The following NGEF variants were observed in gnomAD, a reference collection of about 807,000 sequenced individuals.
The protein encoded by NGEF is ephexin-1.
A neutral mutation model predicts 80.9 loss-of-function variants in NGEF; 31 were observed. The ratio of observed to expected loss-of-function variants is 0.38; its 90% CI spans 0.29 to 0.52. The LOEUF (loss-of-function observed/expected upper bound fraction) is 0.52. NGEF is among the 20% of genes least tolerant of loss of function. The probability of loss-of-function intolerance (pLI) is 0.84; values close to 1 mark genes in which losing one functional copy is unlikely to be tolerated. For synonymous variants in NGEF, 371 were observed against 370.2 expected (o/e 1.00, Z -0.03); for missense variants, 709 against 926.2 (o/e 0.77, Z 3.04).
At chr2:232,983,674 T>C (rs13017508) in intron 1 of NGEF, among the ~76,000 whole-genome samples, 53,311 of 151,928 alleles carry the variant, frequency 0.35, 9,729 homozygotes, top group East Asian at 0.61. Context: ...GGGAGAGAAG[T>C]TGGACTTGGA....
In NGEF at chr2:232,894,804, G is replaced by C; in HGVS notation, c.941C>G (p.Ala314Gly). Residue 314 changes from alanine (A) to glycine (G), a missense_variant, in exon 6 of 15, where the codon GCG (alanine) becomes GGG (glycine). Ala to Gly is a moderately conservative substitution (Grantham distance 60, BLOSUM62 0). This residue lies in a region of NGEF where 426 missense variants were observed against 622.9 expected (regional missense o/e 0.68). Coordinates refer to ENST00000264051, the MANE Select transcript of NGEF (RefSeq NM_019850.3). ...RIRKILHPSE[A>G]HILFSNVLDV... ...CAGGACGTTGGAGAAGAGGATGTGC[G>C]CCTCGGACGGGTGCAGGATCTTCCT... The C allele has an allele frequency of 1.9e-6, 3 of 1,610,976 alleles. No homozygotes were observed. The highest frequency in any genetic ancestry group is 2.5e-6 in the Non-Finnish European group (3 of 1,178,426).
At chr2:232,952,666 C>A (rs1054046382) in intron 3 of NGEF, among the ~76,000 whole-genome samples, 2 of 152,068 alleles carry the variant, frequency 1.3e-5, no homozygotes, top group South Asian at 4.1e-4. Flanking sequence ...GAATAATCTA[C>A]CTTTGAAAAG....
intron 8 of NGEF, among the ~76,000 whole-genome samples, chr2:232,890,608 G>A (rs1691850864): frequency 6.6e-6 from 1 of 151,984 alleles, no homozygotes; most frequent in East Asian, 1.9e-4. Context: ...AGCAACGGCT[G>A]CACACCCCCA....
chr2:232,929,393 G>A (rs903029992), intron 3 of NGEF, among the ~76,000 whole-genome samples: 34 of 152,186 alleles, frequency 2.2e-4, no homozygotes, highest in African/African-American at 7.2e-4. Context: ...TTGCCTGGAA[G>A]GGAGCTCTCC....
intron 6 of NGEF, 143 bp downstream of exon 6, chr2:232,894,609 CTTCA>C: frequency 2.2e-6 from 2 of 893,392 alleles, no homozygotes; most frequent in Non-Finnish European, 3.1e-6. Context: ...GGATTTAGTT[CTTCA>C]TTTATTTATA....
rs147282699 is a variant in NGEF at position 232,916,994 on chromosome 2, G to A, written c.828+3290C>T. Among the ~76,000 whole-genome samples the A allele has an allele frequency of 7.3e-3, 1,117 of 152,324 alleles. 12 individuals carry two copies. The highest frequency in any genetic ancestry group is 0.012 in the Non-Finnish European group (848 of 68,026). On this transcript the variant is annotated intron_variant, in intron 5 of 14. Transcript: ENST00000264051. ...CGCTCAGGGCAGAGGCCACCTGCCC[G>A]CCTCTCTCCCCATCTGGTGAGGATG...
intron 1 of NGEF, among the ~76,000 whole-genome samples, chr2:232,988,652 A>C (rs1431903735): frequency 2.0e-5 from 3 of 152,184 alleles, no homozygotes; most frequent in African/African-American, 7.2e-5. Context: ...CACTGTAGGG[A>C]GTGTCCTGGG....
intron 1 of NGEF, among the ~76,000 whole-genome samples, chr2:233,006,979 G>A (rs149748471): frequency 3.3e-5 from 5 of 152,288 alleles, no homozygotes; most frequent in Non-Finnish European, 7.4e-5. Context: ...GGTAGGTCAT[G>A]CTTGTATACA....
chr2:232,951,505 T>C (rs974970226), intron 3 of NGEF, among the ~76,000 whole-genome samples: 1 of 152,206 alleles, frequency 6.6e-6, no homozygotes, highest in Non-Finnish European at 1.5e-5. Context: ...AGCATGCTAT[T>C]ATTCTACACT....
intron 1 of NGEF, among the ~76,000 whole-genome samples, chr2:232,984,467 C>T (rs1252786949): frequency 2.6e-5 from 4 of 152,070 alleles, no homozygotes; most frequent in African/African-American, 9.7e-5. Flanking sequence ...GGATGGAAGT[C>T]CGATGCCAGA....
chr2:232,969,448 C>CCCTT (rs78124787), intron 3 of NGEF, among the ~76,000 whole-genome samples: 23,378 of 50,362 alleles, frequency 0.46, 4,855 homozygotes, highest in East Asian at 0.61. Flanking sequence ...TCCCTCCCTC[C>CCCTT]CCTTCCTTCC....
In NGEF at chr2:232,974,554, G is replaced by A. The variant is rs1202618432; in HGVS notation, c.268+69C>T. On this transcript the variant is annotated intron_variant, in intron 2 of 14. Transcript: ENST00000264051. Reference sequence around the variant, plus strand: ...CACTTATCCTTTCTCATTTAATGAGGACCTTTCAGCACTGATGACTCCAGT... The same window carrying A: ...CACTTATCCTTTCTCATTTAATGAGAACCTTTCAGCACTGATGACTCCAGT... The A allele has an allele frequency of 7.3e-6, 11 of 1,510,754 alleles. No individual in the cohort carries two copies. In the South Asian group the frequency reaches 7.6e-5, roughly 10 times the overall value. 93.6% of individuals were successfully genotyped at this position (1,510,754 alleles called of 1,614,324 possible). A position where few individuals can be genotyped will look rare whatever the true frequency, so the allele number is the denominator to read the frequency against.
chr2:232,946,426 C>T lies in NGEF; in HGVS notation c.384-19240G>A, dbSNP rs138469124. 1.9e-3 allele frequency among the ~76,000 whole-genome samples: 283 copies of T among 152,170 alleles called. 4 individuals are homozygous for T. The highest frequency in any genetic ancestry group is 0.019 in the East Asian group (96 of 5,178). On this transcript the variant is annotated intron_variant, in intron 3 of 14. Coordinates refer to ENST00000264051, the MANE Select transcript of NGEF (RefSeq NM_019850.3). Reference sequence around the variant, plus strand: ...AAAACACCACCTGTTTCCCAATAACCTATGGAAATAAAAAATTTTCAAAAA... The same window carrying T: ...AAAACACCACCTGTTTCCCAATAACTTATGGAAATAAAAAATTTTCAAAAA...
chr2:232,892,966 G>A lies in NGEF; in HGVS notation c.1074C>T (p.Asp358=), dbSNP rs1691929976. The part of the protein sequence containing the change: ...VCDIVYRYAA[D]HFSVYITYVS... ...CGTAGGTGATGTAGACAGAGAAGTG[G>A]TCGGCCGCATAACGGTACACAATGT... The change falls in exon 7 of 15, where the codon GAC becomes GAT. Residue 358 remains aspartate, a synonymous_variant. Transcript: ENST00000264051. The surrounding 1 kb of genome is among the most constrained non-coding windows in gnomAD (Gnocchi z 4.0). 2.5e-6 allele frequency: 4 copies of A among 1,613,640 alleles called. No homozygotes were observed. The highest frequency in any genetic ancestry group is 3.4e-6 in the Non-Finnish European group (4 of 1,179,940).
At chr2:233,004,355 T>C (rs898112596) in intron 1 of NGEF, among the ~76,000 whole-genome samples, 11 of 152,116 alleles carry the variant, frequency 7.2e-5, no homozygotes, top group South Asian at 2.1e-4. Context: ...GAGCATGTCA[T>C]TGGGACAGCT....
chr2:233,001,485 G>T (rs558352190), intron 1 of NGEF, among the ~76,000 whole-genome samples: 1 of 152,284 alleles, frequency 6.6e-6, no homozygotes, highest in East Asian at 1.9e-4. Flanking sequence ...GGGCTGGAGG[G>T]ATTCAGGCAT....
intron 1 of NGEF, among the ~76,000 whole-genome samples, chr2:232,999,285 G>A (rs752246400): frequency 3.3e-5 from 5 of 152,098 alleles, no homozygotes; most frequent in Non-Finnish European, 5.9e-5. Context: ...AAGAATCAAC[G>A]GTTGTAAAAT....
intron 3 of NGEF, among the ~76,000 whole-genome samples, chr2:232,932,377 G>T (rs760231618): frequency 6.6e-6 from 1 of 151,678 alleles, no homozygotes; most frequent in Non-Finnish European, 1.5e-5. Flanking sequence ...ATGTTGGCCG[G>T]GCTGGTCTCG....
In NGEF at chr2:232,892,676, G is replaced by T. The variant is rs537728840; in HGVS notation, c.1142+222C>A. Among the ~76,000 whole-genome samples the T allele has an allele frequency of 3.9e-5, 6 of 152,298 alleles. No individual in the cohort carries two copies. The highest frequency in any genetic ancestry group is 1.4e-4 in the African/African-American group (6 of 41,560). On this transcript the variant is annotated intron_variant, in intron 7 of 14. Coordinates refer to ENST00000264051, the MANE Select transcript of NGEF (RefSeq NM_019850.3). The surrounding 1 kb of genome is among the most constrained non-coding windows in gnomAD (Gnocchi z 4.0). ...GCTACGCTGATTCTCTTGGGGTCTGGCTGGGCTAATGTTTCTCTAGTGACA... is the reference window on the plus strand; with the variant it reads ...GCTACGCTGATTCTCTTGGGGTCTGTCTGGGCTAATGTTTCTCTAGTGACA...
Sources: allele counts gnomAD v4.1 joint callset (sites outside exome capture counted in the v4.1 genomes callset), GRCh38; gene constraint gnomAD v4.1.1; regional missense constraint gnomAD v4.1.1; non-coding constraint Gnocchi (gnomAD v3.1); transcripts MANE v1.5; gene names NCBI Gene and HGNC (gene_info 2026-07-23, HGNC 2026-07-21).